Variants in KANSL1 observed in about 807,000 individuals in gnomAD.
KANSL1 encodes MLL1/MLL complex subunit KANSL1.
Under a neutral mutation model 103.6 loss-of-function variants are expected in KANSL1, and 22 were observed. The ratio of observed to expected loss-of-function variants is 0.21; its 90% CI spans 0.15 to 0.30. The LOEUF (loss-of-function observed/expected upper bound fraction) is 0.30, where lower values mean the gene tolerates loss of function less well. KANSL1 is among the 10% of genes least tolerant of loss of function. KANSL1 has a pLI of 1.00. For synonymous variants in KANSL1, 600 were observed against 527.6 expected, an observed-to-expected ratio of 1.14 and a Z score of -1.88; for missense variants, 1,337 against 1,399.8, an observed-to-expected ratio of 0.96 and a Z score of 0.72.
At chr17:46,220,028 A>G (rs1266642559) in intron 1 of KANSL1, among the ~76,000 whole-genome samples, 2 of 151,916 alleles carry the variant, frequency 1.3e-5, no homozygotes, top group Non-Finnish European at 2.9e-5. Flanking sequence ...ACATGAACCC[A>G]GGAGGCACAG....
At chr17:46,216,414 A>G (rs1159044426) in intron 1 of KANSL1, among the ~76,000 whole-genome samples, 1 of 152,114 alleles carries the variant, frequency 6.6e-6, no homozygotes, top group Non-Finnish European at 1.5e-5. Flanking sequence ...AGCCTGGCCA[A>G]CATGGTGAAA....
At chr17:46,153,708 C>T (rs1420745522) in intron 2 of KANSL1, among the ~76,000 whole-genome samples, 1 of 152,138 alleles carries the variant, frequency 6.6e-6, no homozygotes, top group Non-Finnish European at 1.5e-5. Context: ...GTCTGAGTCC[C>T]CTCATTCCAT....
chr17:46,099,908 T>C (rs1451321470), intron 2 of KANSL1, among the ~76,000 whole-genome samples: 1 of 151,878 alleles, frequency 6.6e-6, no homozygotes, highest in African/African-American at 2.4e-5. Flanking sequence ...CATGATGAAT[T>C]ACTTTTTGGT....
chr17:46,178,079 T>C (rs1055003330), intron 1 of KANSL1, among the ~76,000 whole-genome samples: 2 of 152,270 alleles, frequency 1.3e-5, no homozygotes, highest in African/African-American at 2.4e-5. Context: ...GCCCGGCCCA[T>C]AGTAACATTC....
chr17:46,208,870 C>T (rs1248582193), intron 1 of KANSL1, among the ~76,000 whole-genome samples: 2 of 149,732 alleles, frequency 1.3e-5, no homozygotes, highest in Non-Finnish European at 3.0e-5. Context: ...AAAAAAAAAC[C>T]TTACAACAAA....
chr17:46,077,203 C>A (rs2078808320), intron 4 of KANSL1, among the ~76,000 whole-genome samples: 1 of 152,080 alleles, frequency 6.6e-6, no homozygotes, highest in Non-Finnish European at 1.5e-5. Flanking sequence ...AGGTGCACGC[C>A]CCCACACCAG....
chr17:46,057,193 G>C (rs1339951695), intron 6 of KANSL1, among the ~76,000 whole-genome samples: 40 of 152,142 alleles, frequency 2.6e-4, no homozygotes, highest in Non-Finnish European at 1.9e-4. Flanking sequence ...CCCTACCAAA[G>C]ATCAGATAAC....
chr17:46,203,828 C>CT (rs2047880376), intron 1 of KANSL1, among the ~76,000 whole-genome samples: 1 of 152,228 alleles, frequency 6.6e-6, no homozygotes, highest in Non-Finnish European at 1.5e-5. Context: ...CAGTAAGGAT[C>CT]TAAAGTTCTA....
intron 2 of KANSL1, among the ~76,000 whole-genome samples, chr17:46,125,610 T>C (rs146489916): frequency 3.9e-4 from 59 of 152,338 alleles, no homozygotes; most frequent in Non-Finnish European, 6.8e-4. Context: ...TACCAAATCA[T>C]ATATACAGTG....
intron 1 of KANSL1, among the ~76,000 whole-genome samples, chr17:46,204,360 G>T (rs1034707906): frequency 6.6e-6 from 1 of 152,190 alleles, no homozygotes; most frequent in African/African-American, 2.4e-5. Context: ...AGCTACTTGG[G>T]AGGCTGAGGC....
At position 46,112,090 on chromosome 17, in the gene KANSL1, G is replaced by A. The variant is rs554470615; in HGVS notation, c.1290-17389C>T. 1.3e-3 allele frequency among the ~76,000 whole-genome samples: 198 copies of A among 152,258 alleles called. 1 individual carries two copies. Among genetic ancestry groups the A allele is most frequent in the Non-Finnish European group, 2.4e-3 (166 of 68,022 alleles). On this transcript the variant is annotated intron_variant, in intron 2 of 14. Coordinates refer to ENST00000432791, the MANE Select transcript of KANSL1 (RefSeq NM_015443.4). ...TATATAATCATTAAGAATGAAGACAGGCACGGTGGCTCACACCTATAATCC... is the reference window on the plus strand; with the variant it reads ...TATATAATCATTAAGAATGAAGACAAGCACGGTGGCTCACACCTATAATCC...
At chr17:46,153,349 C>T (rs1018610837) in intron 2 of KANSL1, among the ~76,000 whole-genome samples, 7 of 152,154 alleles carry the variant, frequency 4.6e-5, no homozygotes, top group Non-Finnish European at 7.4e-5. Flanking sequence ...CTTTCTATGT[C>T]GTTTTACTCG....
At chr17:46,078,275 A>T (rs1197454161) in intron 4 of KANSL1, among the ~76,000 whole-genome samples, 1 of 152,186 alleles carries the variant, frequency 6.6e-6, no homozygotes, top group Non-Finnish European at 1.5e-5. Flanking sequence ...GGTTTTTGCC[A>T]AGTCTAGTTG....
Position 46,105,906 on chromosome 17 carries a change from G to GAGACACACACACACAC in KANSL1, c.1290-11206_1290-11205insGTGTGTGTGTGTGTCT, listed in dbSNP as rs778730504. ...ACACACACACACAGAGCAAGGCCTTGACACACACACACACACACACACACA... is the reference window on the plus strand; with the variant it reads ...ACACACACACACAGAGCAAGGCCTTGAGACACACACACACACACACACACACACACACACACACACA... On this transcript the variant is annotated intron_variant, in intron 2 of 14. Coordinates refer to ENST00000432791, the MANE Select transcript of KANSL1 (RefSeq NM_015443.4). Among the ~76,000 whole-genome samples, 299 of 94,990 alleles carry GAGACACACACACACAC rather than the reference G, an allele frequency of 3.1e-3. 1 individual carries two copies. The highest frequency in any genetic ancestry group is 0.013 in the African/African-American group (281 of 21,798). 62.3% of individuals were successfully genotyped at this position (94,990 alleles called of 152,430 possible).
chr17:46,092,032 C>G (rs923008467), intron 3 of KANSL1, among the ~76,000 whole-genome samples: 1 of 152,188 alleles, frequency 6.6e-6, no homozygotes, highest in African/African-American at 2.4e-5. Flanking sequence ...GTTGGCCAGG[C>G]TAGTCTCGAA....
intron 1 of KANSL1, among the ~76,000 whole-genome samples, chr17:46,220,029 G>A (rs2048474322): frequency 6.6e-6 from 1 of 151,930 alleles, no homozygotes; most frequent in African/African-American, 2.4e-5. Flanking sequence ...CATGAACCCA[G>A]GAGGCACAGT....
chr17:46,157,294 T>C (rs2045482979), intron 2 of KANSL1, among the ~76,000 whole-genome samples: 1 of 152,252 alleles, frequency 6.6e-6, no homozygotes, highest in Non-Finnish European at 1.5e-5. Context: ...GCCAGCCTGC[T>C]AGGAAACACC....
chr17:46,173,791 A>C (rs2046395225), intron 1 of KANSL1, among the ~76,000 whole-genome samples: 2 of 152,234 alleles, frequency 1.3e-5, no homozygotes, highest in Admixed American at 1.3e-4. Flanking sequence ...TCCTTGATGA[A>C]CAGCAAAAAT....
intron 2 of KANSL1, among the ~76,000 whole-genome samples, chr17:46,096,311 C>CTTTTTTTTCTTTTTTTTTTTTTTTT (rs2042069609): frequency 3.9e-5 from 3 of 76,408 alleles, no homozygotes; most frequent in African/African-American, 1.7e-4. Flanking sequence ...GCTTTTTTTT[C>CTTTTTTTTCTTTTTTTTTTTTTTTT]TTTTTTTTTT....
Sources: gnomAD v4.1 joint callset for allele counts (sites outside exome capture counted in the v4.1 genomes callset) on GRCh38, gnomAD v4.1.1 for gene constraint, MANE v1.5 for transcripts, NCBI Gene and HGNC (gene_info 2026-07-23, HGNC 2026-07-21) for gene names.